Variants in PTPN1 observed in about 807,000 individuals in gnomAD.
PTPN1 encodes the protein tyrosine-protein phosphatase non-receptor type 1.
PTPN1 carries 12 observed loss-of-function variants against 59.9 expected under a neutral mutation model. The observed-to-expected ratio is 0.20, with a 90% confidence interval of 0.13 to 0.32. The LOEUF (loss-of-function observed/expected upper bound fraction) is 0.32, where lower values mean the gene tolerates loss of function less well. Among genes scored for constraint, PTPN1 ranks in the 10% least tolerant of loss-of-function variants. PTPN1 has a pLI of 1.00. For missense variants in PTPN1, 356 were observed against 549.2 expected (o/e 0.65, Z 3.52); for synonymous variants, 178 against 203.6 (o/e 0.87, Z 1.07).
Position 50,568,366 on chromosome 20 carries a change from T to C in PTPN1, c.256-14T>C, listed in dbSNP as rs199511900. On this transcript the variant is annotated splice_polypyrimidine_tract_variant and intron_variant, in intron 3 of 9. Coordinates refer to ENST00000371621, the MANE Select transcript of PTPN1 (RefSeq NM_002827.4). This position sits in a 1 kb window ranked among gnomAD's most constrained non-coding sequence, Gnocchi z 5.6. ...GTTTCAGATGTCACATGTTGTGTTA[T>C]TGTGTCTTTGCAGGGCCCTTTGCCT... The C allele has an allele frequency of 2.1e-5, 34 of 1,609,728 alleles. No homozygotes were observed. The highest frequency in any genetic ancestry group is 2.8e-5 in the Non-Finnish European group (33 of 1,176,106).
intron 2 of PTPN1, 124 bp from the exon 3 acceptor site, chr20:50,564,840 ACAGGG>A: frequency 7.1e-7 from 1 of 1,417,968 alleles, no homozygotes; most frequent in Non-Finnish European, 9.5e-7. Flanking sequence ...CTCAACTAAA[ACAGGG>A]CTTCAGCCAG....
chr20:50,526,870 C>T (rs1187168340), intron 1 of PTPN1, among the ~76,000 whole-genome samples: 1 of 152,130 alleles, frequency 6.6e-6, no homozygotes, highest in African/African-American at 2.4e-5. Context: ...CTGTCTTTGT[C>T]TTCCTGGGCC....
chr20:50,582,642 C>A lies in PTPN1; in HGVS notation c.1285-50C>A. 1 of 1,605,980 alleles carries A rather than the reference C, an allele frequency of 6.2e-7. No individual in the cohort carries two copies. Among genetic ancestry groups the A allele is most frequent in the Non-Finnish European group, 8.5e-7 (1 of 1,175,178 alleles). On this transcript the variant is annotated intron_variant, in intron 9 of 9. Coordinates refer to ENST00000371621, the MANE Select transcript of PTPN1 (RefSeq NM_002827.4). The surrounding 1 kb of genome is among the most constrained non-coding windows in gnomAD (Gnocchi z 4.2). ...GCCGGGGTCATGCATGAGGCGACAG[C>A]TCTGCAGGTGCGGGTCTGGGCTCAT...
Position 50,568,876 on chromosome 20 carries a change from G to A in PTPN1, c.354+398G>A, listed in dbSNP as rs2082792411. Among the ~76,000 whole-genome samples, 1 of 152,122 alleles carries A rather than the reference G, an allele frequency of 6.6e-6. No homozygotes were observed. The highest frequency in any genetic ancestry group is 1.5e-5 in the Non-Finnish European group (1 of 68,022). On this transcript the variant is annotated intron_variant, in intron 4 of 9. Coordinates refer to ENST00000371621, the MANE Select transcript of PTPN1 (RefSeq NM_002827.4). The surrounding 1 kb of genome is among the most constrained non-coding windows in gnomAD (Gnocchi z 5.6). ...TGATTTTTTGGCTGGTGAGAGTGTGGCTACCTCTGCGGAGCTGTGGGAGCG... is the reference window on the plus strand; with the variant it reads ...TGATTTTTTGGCTGGTGAGAGTGTGACTACCTCTGCGGAGCTGTGGGAGCG...
chr20:50,550,114 T>A (rs1416608651), intron 1 of PTPN1, among the ~76,000 whole-genome samples: 3 of 152,024 alleles, frequency 2.0e-5, no homozygotes, highest in African/African-American at 7.2e-5. Context: ...ACTGCAAGAG[T>A]TCCAGGAAAT....
intron 1 of PTPN1, among the ~76,000 whole-genome samples, chr20:50,543,970 C>T (rs753122552): frequency 1.3e-5 from 2 of 152,054 alleles, no homozygotes; most frequent in East Asian, 1.9e-4. Flanking sequence ...CTCAGCCTCC[C>T]GAGTAGCTGG....
Position 50,578,476 on chromosome 20 carries a change from A to G in PTPN1, c.549A>G (p.Gly183=). ...ACTATACCACATGGCCTGACTTTGGAGTCCCTGAATCACCAGCCTCATTCT... is the reference window on the plus strand; with the variant it reads ...ACTATACCACATGGCCTGACTTTGGGGTCCCTGAATCACCAGCCTCATTCT... ...HFHYTTWPDF[G]VPESPASFLN... The change falls in exon 6 of 10, where the codon GGA becomes GGG. Residue 183 remains glycine, a synonymous_variant. Coordinates refer to ENST00000371621, the MANE Select transcript of PTPN1 (RefSeq NM_002827.4). 1 of 1,614,254 alleles carries G rather than the reference A, an allele frequency of 6.2e-7. No individual in the cohort carries two copies. The highest frequency in any genetic ancestry group is 1.1e-5 in the South Asian group (1 of 91,088).
chr20:50,527,852 G>A (rs1336470457), intron 1 of PTPN1, among the ~76,000 whole-genome samples: 2 of 151,734 alleles, frequency 1.3e-5, no homozygotes, highest in East Asian at 1.9e-4. Flanking sequence ...CTTACTCATC[G>A]GTGTCTTCTC....
chr20:50,577,356 T>C (rs939150438), intron 5 of PTPN1: 2 of 152,234 alleles, frequency 1.3e-5, no homozygotes, highest in African/African-American at 4.8e-5. Context: ...TGCCATCAGC[T>C]GCTCGCCAGG....
chr20:50,564,419 C>A (rs2082769087), intron 2 of PTPN1, among the ~76,000 whole-genome samples: 1 of 152,080 alleles, frequency 6.6e-6, no homozygotes, highest in South Asian at 2.1e-4. Context: ...CATGGTGAAA[C>A]CCCATCTCTA....
intron 1 of PTPN1, among the ~76,000 whole-genome samples, chr20:50,534,935 C>G (rs2082617399): frequency 6.6e-6 from 1 of 152,226 alleles, no homozygotes; most frequent in African/African-American, 2.4e-5. Context: ...CTCACTGTTG[C>G]TCAGGCTGGC....
chr20:50,564,824 A>G, intron 2 of PTPN1, 145 bp from the exon 3 acceptor site: 2 of 1,267,334 alleles, frequency 1.6e-6, no homozygotes, highest in Non-Finnish European at 2.2e-6. Context: ...CATACTGATG[A>G]CTAATCTCAA....
chr20:50,523,240 G>A (rs977580709), intron 1 of PTPN1, among the ~76,000 whole-genome samples: 2 of 152,130 alleles, frequency 1.3e-5, no homozygotes, highest in South Asian at 2.1e-4. Context: ...GAAAAGGAAC[G>A]TGTGCAAAGA....
chr20:50,580,238 TC>T (rs2082860497), intron 8 of PTPN1, among the ~76,000 whole-genome samples: 1 of 152,048 alleles, frequency 6.6e-6, no homozygotes, highest in Non-Finnish European at 1.5e-5. Context: ...GACAGCGCCC[TC>T]CCCCAGGTTT....
chr20:50,534,948 T>TGAACTCCTGCCTTCAGGCA (rs1555828159), intron 1 of PTPN1, among the ~76,000 whole-genome samples: 85 of 151,246 alleles, frequency 5.6e-4, no homozygotes, highest in African/African-American at 2.0e-3. Context: ...AGGCTGGCCT[T>TGAACTCCTGCCTTCAGGCA]GAACTCCTGC....
At chr20:50,541,394 A>G (rs891115684) in intron 1 of PTPN1, among the ~76,000 whole-genome samples, 2 of 152,190 alleles carry the variant, frequency 1.3e-5, no homozygotes, top group Admixed American at 6.5e-5. Context: ...GGAGAGCCCA[A>G]TGTCTGCATA....
chr20:50,557,640 T>C (rs2082731635), intron 1 of PTPN1: 1 of 152,296 alleles, frequency 6.6e-6, no homozygotes. Context: ...TTTCTGTTGT[T>C]AATAATTGAC....
rs1394954359 is a variant in PTPN1 at position 50,582,910 on chromosome 20, C to T, written c.*195C>T. 6 of 639,670 alleles carry T rather than the reference C, an allele frequency of 9.4e-6. No homozygotes were observed. The highest frequency in any genetic ancestry group is 1.6e-5 in the Non-Finnish European group (6 of 367,834). The allele number at this position is 639,670 out of a possible 1,614,324, so 39.6% of individuals were successfully genotyped here. ...TCACCCCTCATCCTTTTACTTTTTG[C>T]CCCTTCCACTTTGAGTACCAAATCC... On this transcript the variant is annotated 3_prime_UTR_variant, in exon 10 of 10. Coordinates refer to ENST00000371621, the MANE Select transcript of PTPN1 (RefSeq NM_002827.4). The surrounding 1 kb of genome is among the most constrained non-coding windows in gnomAD (Gnocchi z 4.2).
chr20:50,527,929 T>C (rs1187655923), intron 1 of PTPN1, among the ~76,000 whole-genome samples: 1 of 152,182 alleles, frequency 6.6e-6, no homozygotes, highest in Non-Finnish European at 1.5e-5. Flanking sequence ...TTTAGCCCTT[T>C]TGTTCTTTTT....
Sources: allele counts gnomAD v4.1 joint callset (sites outside exome capture counted in the v4.1 genomes callset), GRCh38; gene constraint gnomAD v4.1.1; non-coding constraint Gnocchi (gnomAD v3.1); transcripts MANE v1.5; gene names NCBI Gene and HGNC (gene_info 2026-07-23, HGNC 2026-07-21).